The following KSR2 variants were observed in gnomAD, a reference collection of about 807,000 sequenced individuals.
KSR2 encodes kinase suppressor of ras 2.
In KSR2, 25 loss-of-function variants were observed where a neutral mutation model predicts 107.8. The observed-to-expected ratio is 0.23, with a 90% CI of 0.17 to 0.32. The LOEUF (loss-of-function observed/expected upper bound fraction) is 0.32. Ranked by LOEUF, KSR2 falls within the 10% of genes least tolerant of loss-of-function variation. The probability of loss-of-function intolerance (pLI) is 1.00; values close to 1 mark genes in which losing one functional copy is unlikely to be tolerated. For missense variants in KSR2, 887 were observed against 1,268.9 expected, an observed-to-expected ratio of 0.70 and a Z score of 4.57; for synonymous variants, 480 against 507.0, an observed-to-expected ratio of 0.95 and a Z score of 0.71.
intron 1 of KSR2, among the ~76,000 whole-genome samples, chr12:117,947,033 G>A (rs895517577): frequency 6.6e-5 from 10 of 151,664 alleles, no homozygotes; most frequent in African/African-American, 2.4e-4. Flanking sequence ...GCTGGGTGTG[G>A]TGGTGCATGC....
At chr12:117,772,179 C>A (rs1446441967) in intron 3 of KSR2, among the ~76,000 whole-genome samples, 1 of 143,444 alleles carries the variant, frequency 7.0e-6, no homozygotes, top group Non-Finnish European at 1.5e-5. Flanking sequence ...CACATACACA[C>A]CATTCCCCCA....
chr12:117,792,853 C>T (rs560916337), intron 3 of KSR2, among the ~76,000 whole-genome samples: 16 of 152,164 alleles, frequency 1.1e-4, no homozygotes, highest in Non-Finnish European at 2.1e-4. Flanking sequence ...TATTGGTTTG[C>T]ATTGTGTGCA....
At chr12:117,908,597 G>T (rs189291939) in intron 1 of KSR2, among the ~76,000 whole-genome samples, 105 of 152,304 alleles carry the variant, frequency 6.9e-4, no homozygotes, top group Admixed American at 2.3e-3. Context: ...GCCAAAGGTA[G>T]TTCAATGTGC....
chr12:117,843,718 G>A (rs760089141), intron 3 of KSR2, among the ~76,000 whole-genome samples: 14 of 152,006 alleles, frequency 9.2e-5, no homozygotes, highest in South Asian at 4.2e-4. Flanking sequence ...ACCAACAGCC[G>A]ACCTTAAGTT....
chr12:117,492,872 C>A (rs1225434348), intron 14 of KSR2, among the ~76,000 whole-genome samples: 2 of 152,048 alleles, frequency 1.3e-5, no homozygotes, highest in East Asian at 1.9e-4. Context: ...GGGGCACGAG[C>A]CAAGGAATGC....
intron 1 of KSR2, among the ~76,000 whole-genome samples, chr12:117,959,790 C>T (rs923334277): frequency 1.3e-5 from 2 of 151,854 alleles, no homozygotes; most frequent in Non-Finnish European, 2.9e-5. Context: ...ATGTAGCCAG[C>T]GATGGTGATG....
chr12:117,738,289 G>A (rs1357085504), intron 4 of KSR2, among the ~76,000 whole-genome samples: 1 of 152,138 alleles, frequency 6.6e-6, no homozygotes, highest in African/African-American at 2.4e-5. Flanking sequence ...ATAAGAAAAC[G>A]CATTCTATGT....
intron 1 of KSR2, among the ~76,000 whole-genome samples, chr12:117,933,119 G>C (rs1201141992): frequency 1.3e-5 from 2 of 152,196 alleles, no homozygotes; most frequent in Non-Finnish European, 1.5e-5. Context: ...TGAAGTGGCT[G>C]TCAGGGGTTA....
intron 9 of KSR2, among the ~76,000 whole-genome samples, chr12:117,550,547 T>C (rs1292127501): frequency 6.6e-6 from 1 of 151,982 alleles, no homozygotes; most frequent in Non-Finnish European, 1.5e-5. Context: ...TGACCTATAA[T>C]ATGGGATGGA....
intron 8 of KSR2, among the ~76,000 whole-genome samples, chr12:117,556,084 A>G (rs1485378114): frequency 6.6e-6 from 1 of 152,164 alleles, no homozygotes; most frequent in East Asian, 1.9e-4. Flanking sequence ...ATCACCATGG[A>G]AACTGACTAT....
intron 3 of KSR2, among the ~76,000 whole-genome samples, chr12:117,795,891 A>T (rs1014735491): frequency 1.3e-5 from 2 of 152,096 alleles, no homozygotes; most frequent in African/African-American, 4.8e-5. Flanking sequence ...GACTACAGAC[A>T]TGAGCCGCCA....
intron 5 of KSR2, among the ~76,000 whole-genome samples, chr12:117,635,850 G>T (rs1366310848): frequency 6.7e-6 from 1 of 149,910 alleles, no homozygotes; most frequent in African/African-American, 2.5e-5. Context: ...AGAGTGCAGT[G>T]GCGCGATCTC....
At chr12:117,769,679 T>C (rs532302901) in intron 3 of KSR2, among the ~76,000 whole-genome samples, 2 of 152,328 alleles carry the variant, frequency 1.3e-5, no homozygotes, top group East Asian at 1.9e-4. Flanking sequence ...AAACCATCTG[T>C]TTCACAGAAC....
chr12:117,963,472 G>A (rs932152063), intron 1 of KSR2, among the ~76,000 whole-genome samples: 3 of 152,042 alleles, frequency 2.0e-5, no homozygotes, highest in African/African-American at 7.2e-5. Flanking sequence ...GCGTGGTGGT[G>A]CATACCTGTA....
At chr12:117,886,979 A>G (rs367871020) in intron 1 of KSR2, among the ~76,000 whole-genome samples, 2 of 152,188 alleles carry the variant, frequency 1.3e-5, no homozygotes, top group African/African-American at 4.8e-5. Context: ...GCTGGAATGC[A>G]GTGGTGTGAT....
intron 3 of KSR2, among the ~76,000 whole-genome samples, chr12:117,853,045 C>T (rs1892980770): frequency 1.3e-5 from 2 of 152,218 alleles, no homozygotes; most frequent in Admixed American, 1.3e-4. Context: ...TCAGGTGATC[C>T]ACCGGCCTCG....
Position 117,676,415 on chromosome 12 carries a change from C to T in KSR2, c.987-8757G>A, listed in dbSNP as rs559000341. 4.6e-5 allele frequency among the ~76,000 whole-genome samples: 7 copies of T among 151,446 alleles called. 1 individual carries two copies. The highest frequency in any genetic ancestry group is 1.7e-4 in the African/African-American group (7 of 41,214). ...TAAAATTCAAGAAATAGCCTTTGCA[C>T]GTCAAATCTATAATTTCATAGTAAT... is the stretch of plus-strand genomic sequence containing the variant. On this transcript the variant is annotated intron_variant, in intron 4 of 19. Transcript: ENST00000339824.
rs890662541 is a variant in KSR2, at chr12:117,897,179, G to A, written c.181-36748C>T. ...GGAATTATTGTTTCATTAACATCCA[G>A]CTCCCAAGCTGTGACAGATGCCAGT... is the stretch of plus-strand genomic sequence containing the variant. On this transcript the variant is annotated intron_variant, in intron 1 of 19. Coordinates refer to ENST00000339824, the MANE Select transcript of KSR2 (RefSeq NM_173598.6). The surrounding 1 kb of genome is among the most constrained non-coding windows in gnomAD (Gnocchi z 4.5). Among the ~76,000 whole-genome samples the A allele has an allele frequency of 7.2e-5, 11 of 152,190 alleles. No individual in the cohort carries two copies. Among genetic ancestry groups the A allele is most frequent in the African/African-American group, 2.7e-4 (11 of 41,458 alleles).
chr12:117,535,327 G>C (rs984165110), intron 10 of KSR2, among the ~76,000 whole-genome samples: 2 of 152,218 alleles, frequency 1.3e-5, no homozygotes, highest in African/African-American at 4.8e-5. Context: ...TGAATGTGGA[G>C]TGGTGAATGA....
Sources: allele counts gnomAD v4.1 joint callset (sites outside exome capture counted in the v4.1 genomes callset), GRCh38; gene constraint gnomAD v4.1.1; non-coding constraint Gnocchi (gnomAD v3.1); transcripts MANE v1.5; gene names NCBI Gene and HGNC (gene_info 2026-07-23, HGNC 2026-07-21).